TLE4: variants seen among roughly 807,000 people sequenced by gnomAD.
TLE4 encodes the protein transducin-like enhancer protein 4.
A neutral mutation model predicts 92.8 loss-of-function variants in TLE4; 8 were observed. The ratio of observed to expected loss-of-function variants is 0.09; its 90% CI spans 0.05 to 0.16. TLE4 has a LOEUF of 0.16. TLE4 is among the 10% of genes least tolerant of loss of function. The probability of loss-of-function intolerance (pLI) is 1.00; values close to 1 mark genes in which losing one functional copy is unlikely to be tolerated. For missense variants in TLE4, 675 were observed against 997.6 expected (o/e 0.68, Z 4.36); for synonymous variants, 371 against 374.1 (o/e 0.99, Z 0.10).
intron 4 of TLE4, among the ~76,000 whole-genome samples, chr9:79,577,207 A>G (rs2038099194): frequency 6.6e-6 from 1 of 152,142 alleles, no homozygotes. Context: ...TGAAATGAGC[A>G]CATACTATTA....
chr9:79,624,403 C>T (rs2051933473), intron 5 of TLE4, among the ~76,000 whole-genome samples: 1 of 152,064 alleles, frequency 6.6e-6, no homozygotes, highest in South Asian at 2.1e-4. Flanking sequence ...TCAGAGCACA[C>T]AGGGGAGGAG....
chr9:79,637,412 A>C (rs941171684), intron 6 of TLE4, among the ~76,000 whole-genome samples: 1 of 152,168 alleles, frequency 6.6e-6, no homozygotes, highest in Admixed American at 6.5e-5. Flanking sequence ...TCCAAACTCC[A>C]GCTGACTTCA....
intron 6 of TLE4, among the ~76,000 whole-genome samples, chr9:79,628,873 AGTGTGTGTGTGTGTGT>A (rs34212290): frequency 1.6e-3 from 231 of 148,096 alleles, no homozygotes; most frequent in African/African-American, 5.2e-3. Context: ...TTTAAAGTTA[AGTGTGTGTGTGTGTGT>A]GTGTGTGTGT....
At chr9:79,597,159 A>C (rs2044241061) in intron 4 of TLE4, among the ~76,000 whole-genome samples, 1 of 152,136 alleles carries the variant, frequency 6.6e-6, no homozygotes, top group South Asian at 2.1e-4. Context: ...CTCCATGTGC[A>C]GCCTGCCTCC....
chr9:79,670,187 T>C (rs1588054602), intron 8 of TLE4, among the ~76,000 whole-genome samples: 1 of 144,438 alleles, frequency 6.9e-6, no homozygotes, highest in Admixed American at 6.9e-5. Flanking sequence ...GAGTAACAGT[T>C]AAATAAGAAA....
rs947971071 is a variant in TLE4, at chr9:79,724,849, T to TAAAAAAAAAAA, written c.2215-166_2215-156dup. 1.2e-3 allele frequency among the ~76,000 whole-genome samples: 30 copies of TAAAAAAAAAAA among 25,980 alleles called. 5 individuals are homozygous for TAAAAAAAAAAA. The highest frequency in any genetic ancestry group is 3.9e-3 in the African/African-American group (24 of 6,166). The allele number at this position is 25,980 out of a possible 152,430, so 17.0% of individuals were successfully genotyped here. Reference sequence around the variant, plus strand: ...GTGACTGAGGGAGACCCTGTCTTATTAAAAAAAAAAAAAAAAAAAAAAAAA... The same window carrying TAAAAAAAAAAA: ...GTGACTGAGGGAGACCCTGTCTTATTAAAAAAAAAAAAAAAAAAAAAAAAAAAAAAAAAAAA... On this transcript the variant is annotated intron_variant, in intron 19 of 19. Coordinates refer to ENST00000376552, the MANE Select transcript of TLE4 (RefSeq NM_007005.6).
intron 6 of TLE4, among the ~76,000 whole-genome samples, chr9:79,646,887 G>A (rs2058188623): frequency 6.6e-6 from 1 of 152,100 alleles, no homozygotes; most frequent in African/African-American, 2.4e-5. Context: ...TTTTGTATAT[G>A]TATAAAACGG....
At chr9:79,687,245 GT>G (rs1230732681) in intron 8 of TLE4, among the ~76,000 whole-genome samples, 2 of 152,176 alleles carry the variant, frequency 1.3e-5, no homozygotes, top group East Asian at 3.9e-4. Context: ...ATGGGCTTGG[GT>G]TAGTGTTGCC....
chr9:79,644,055 A>C (rs1269641795), intron 6 of TLE4, among the ~76,000 whole-genome samples: 1 of 152,092 alleles, frequency 6.6e-6, no homozygotes, highest in Non-Finnish European at 1.5e-5. Flanking sequence ...TCCCCACCCA[A>C]ATCTCATCTT....
chr9:79,616,881 C>T (rs1395454174), intron 5 of TLE4, among the ~76,000 whole-genome samples: 1 of 152,168 alleles, frequency 6.6e-6, no homozygotes, highest in Non-Finnish European at 1.5e-5. Context: ...TCTCCCTCTT[C>T]ACTAGCTTTG....
chr9:79,635,055 A>G (rs2055356302), intron 6 of TLE4, among the ~76,000 whole-genome samples: 1 of 152,198 alleles, frequency 6.6e-6, no homozygotes, highest in Non-Finnish European at 1.5e-5. Context: ...ACTGTTTCTC[A>G]GAGTGATTCT....
At chr9:79,654,194 A>G (rs13302858) in intron 8 of TLE4, 119 bp downstream of exon 8, 1 of 1,033,206 alleles carries the variant, frequency 9.7e-7, no homozygotes, top group Non-Finnish European at 1.4e-6. Context: ...GTAGTGGTTA[A>G]CTGCATTTTT....
intron 8 of TLE4, among the ~76,000 whole-genome samples, chr9:79,702,723 G>A (rs1056951324): frequency 1.3e-5 from 2 of 152,126 alleles, no homozygotes; most frequent in African/African-American, 2.4e-5. Flanking sequence ...CAGCAGGGAC[G>A]GATTTAGAGG....
At chr9:79,578,788 T>G (rs1007344928) in intron 4 of TLE4, among the ~76,000 whole-genome samples, 2 of 152,106 alleles carry the variant, frequency 1.3e-5, no homozygotes, top group Non-Finnish European at 2.9e-5. Flanking sequence ...TAATTTAAAT[T>G]TTGGTAACTG....
At chr9:79,615,838 T>TA (rs1301635240) in intron 5 of TLE4, among the ~76,000 whole-genome samples, 1 of 152,216 alleles carries the variant, frequency 6.6e-6, no homozygotes, top group African/African-American at 2.4e-5. Flanking sequence ...TATACTTTAA[T>TA]AATGTGCTGT....
At chr9:79,716,733 ACT>A (rs1348968614) in intron 14 of TLE4, among the ~76,000 whole-genome samples, 6 of 151,858 alleles carry the variant, frequency 4.0e-5, no homozygotes, top group Non-Finnish European at 8.8e-5. Flanking sequence ...TGTCCTTTTC[ACT>A]CTGTTAAATT....
At chr9:79,653,323 C>A (rs2059302994) in intron 7 of TLE4, among the ~76,000 whole-genome samples, 1 of 152,220 alleles carries the variant, frequency 6.6e-6, no homozygotes, top group South Asian at 2.1e-4. Flanking sequence ...CTCTCTCTCT[C>A]ACCCAGTCTG....
chr9:79,660,363 A>G (rs547312209), intron 8 of TLE4, among the ~76,000 whole-genome samples: 1 of 152,356 alleles, frequency 6.6e-6, no homozygotes, highest in South Asian at 2.1e-4. Context: ...TGTTTCAGCA[A>G]TAAAGTTGGC....
rs2036153596 is a variant in TLE4 at position 79,572,776 on chromosome 9, A to G, written c.-15A>G. 1 of 1,598,788 alleles carries G rather than the reference A, an allele frequency of 6.3e-7. No homozygotes were observed. The highest frequency in any genetic ancestry group is 1.4e-5 in the African/African-American group (1 of 72,960). ...CGCGCGCCTCTGCCGAGCGCAGCCA[A>G]CTAAATCGGCTTGGATGATTCGCGA... On this transcript the variant is annotated 5_prime_UTR_variant, in exon 1 of 20. Transcript: ENST00000376552.
Sources: allele counts gnomAD v4.1 joint callset (sites outside exome capture counted in the v4.1 genomes callset), GRCh38; gene constraint gnomAD v4.1.1; transcripts MANE v1.5; gene names NCBI Gene and HGNC (gene_info 2026-07-23, HGNC 2026-07-21).